The following CEP85 variants were observed in gnomAD, a reference collection of about 807,000 sequenced individuals.
The protein encoded by CEP85 is centrosomal protein of 85 kDa.
Under a neutral mutation model 93.7 loss-of-function variants are expected in CEP85, and 58 were observed. The ratio of observed to expected loss-of-function variants is 0.62; its 90% CI spans 0.50 to 0.77. The LOEUF is 0.77. Among genes scored for constraint, CEP85 ranks in the 30% least tolerant of loss-of-function variants. The pLI is 0.00. For missense variants in CEP85, 868 were observed against 922.0 expected (o/e 0.94, Z 0.76); for synonymous variants, 314 against 338.6 (o/e 0.93, Z 0.80).
chr1:26,270,971 T>G, intron 9 of CEP85, 43 bp from the exon 10 acceptor site: 1 of 1,222,306 alleles, frequency 8.2e-7, no homozygotes, highest in Non-Finnish European at 1.2e-6. Flanking sequence ...CAAAGCCACT[T>G]GTGTCTAACT....
chr1:26,241,491 G>A (rs1019808174), intron 2 of CEP85, among the ~76,000 whole-genome samples: 2 of 151,990 alleles, frequency 1.3e-5, no homozygotes, highest in African/African-American at 4.8e-5. Flanking sequence ...TGATCTGCCC[G>A]CCTGGGCCTC....
At chr1:26,254,871 CTT>C (rs2089671612) in intron 3 of CEP85, 2 of 339,218 alleles carry the variant, frequency 5.9e-6, no homozygotes, top group Non-Finnish European at 1.1e-5. Context: ...TTTTAAAAAA[CTT>C]TTTAAAAGTT....
Position 26,255,192 on chromosome 1 carries a change from G to T in CEP85, c.230G>T (p.Ser77Ile). The stretch of plus-strand genomic sequence containing the variant: ...CCAGATTTTTGCAGCTCAAGTGGCA[G>T]TCCTCCTTTCCAGCCCATCAAAAGC... ...IAEDFCSSSG[S>I]PPFQPIKSHV... Residue 77 changes from serine (S) to isoleucine (I), a missense_variant, in exon 4 of 14, where the codon AGT becomes ATT. Transcript: ENST00000451429. 6.2e-7 allele frequency: 1 copy of T among 1,613,644 alleles called. No individual in the cohort carries two copies. The highest frequency in any genetic ancestry group is 2.2e-5 in the East Asian group (1 of 44,868).
rs67466493 is a variant in CEP85 at position 26,238,202 on chromosome 1, C to CTTTTT, written c.-22-1548_-22-1544dup. Among the ~76,000 whole-genome samples the CTTTTT allele has an allele frequency of 5.4e-4, 48 of 88,300 alleles. 10 individuals are homozygous for CTTTTT. The highest frequency in any genetic ancestry group is 9.5e-4 in the African/African-American group (21 of 22,158). The allele number at this position is 88,300 out of a possible 152,430, so 57.9% of individuals were successfully genotyped here. The stretch of plus-strand genomic sequence containing the variant: ...TATGTTCTGTGAATTGTCCCAAACT[C>CTTTTT]TTTTTTTTTTTTTTTTGAGACGGAG... On this transcript the variant is annotated intron_variant, in intron 1 of 13. Transcript: ENST00000451429.
chr1:26,273,888 G>A (rs1219844083), intron 11 of CEP85, among the ~76,000 whole-genome samples: 3 of 131,616 alleles, frequency 2.3e-5, no homozygotes, highest in Non-Finnish European at 4.9e-5. Flanking sequence ...GCGACAGAGT[G>A]AAACCCCATC....
intron 1 of CEP85, among the ~76,000 whole-genome samples, chr1:26,238,601 G>A (rs942033516): frequency 6.6e-6 from 1 of 152,220 alleles, no homozygotes; most frequent in Non-Finnish European, 1.5e-5. Context: ...GATGTAAATT[G>A]CCAAGTAATA....
rs531089791 is a variant in CEP85, at chr1:26,267,552, G to A, written c.1342-931G>A. On this transcript the variant is annotated intron_variant, in intron 7 of 13. Coordinates refer to ENST00000451429, the MANE Select transcript of CEP85 (RefSeq NM_001319944.2). Reference sequence around the variant, plus strand: ...GCATTCCAGCCTGGGCAACAAGAGCGAAACTGTCTCAAAAAAAGGGGGGTG... The same window carrying A: ...GCATTCCAGCCTGGGCAACAAGAGCAAAACTGTCTCAAAAAAAGGGGGGTG... Among the ~76,000 whole-genome samples, 9 of 152,208 alleles carry A rather than the reference G, an allele frequency of 5.9e-5. No homozygotes were observed. The East Asian group carries it at 7.7e-4, about 13-fold the overall frequency.
intron 7 of CEP85, among the ~76,000 whole-genome samples, chr1:26,265,937 G>T (rs1204554890): frequency 6.6e-6 from 1 of 151,930 alleles, no homozygotes; most frequent in Non-Finnish European, 1.5e-5. Context: ...GCCAGGCTCG[G>T]TGGCTCACGC....
At chr1:26,249,372 G>A (rs1298533604) in intron 3 of CEP85, among the ~76,000 whole-genome samples, 1 of 152,252 alleles carries the variant, frequency 6.6e-6, no homozygotes, top group African/African-American at 2.4e-5. Flanking sequence ...GTGAGCCACT[G>A]CTCCTGGCCT....
At chr1:26,256,685 A>G (rs1272757780) in intron 4 of CEP85, among the ~76,000 whole-genome samples, 1 of 139,102 alleles carries the variant, frequency 7.2e-6, no homozygotes, top group African/African-American at 2.7e-5. Flanking sequence ...TGCAACCTCT[A>G]CCTCCCAAGG....
rs202172491 is a variant in CEP85, at chr1:26,248,171, A to AC, written c.208+3854dup. Among the ~76,000 whole-genome samples the AC allele has an allele frequency of 9.4e-3, 1,425 of 152,316 alleles. 18 individuals carry two copies. The highest frequency in any genetic ancestry group is 0.032 in the African/African-American group (1,322 of 41,562). ...CTGGTTATCAGATTCTGGTCTCCTG[A>AC]CTGTGTAATATTCTATCAATTGTGT... On this transcript the variant is annotated intron_variant, in intron 3 of 13. Transcript: ENST00000451429.
chr1:26,240,199 G>T (rs2089400283), intron 2 of CEP85, among the ~76,000 whole-genome samples: 1 of 152,126 alleles, frequency 6.6e-6, no homozygotes. Context: ...ACAAAAATAG[G>T]AATTCTGCTT....
At chr1:26,254,911 A>AT (rs1010581607) in intron 3 of CEP85, 5 of 436,446 alleles carry the variant, frequency 1.1e-5, no homozygotes, top group East Asian at 3.3e-5. Flanking sequence ...GACTGACAAG[A>AT]TTTTTTTTAT....
intron 2 of CEP85, among the ~76,000 whole-genome samples, chr1:26,240,890 T>A (rs2124558276): frequency 6.6e-6 from 1 of 150,916 alleles, no homozygotes; most frequent in South Asian, 2.1e-4. Context: ...AGAGTGAGAC[T>A]GTGTCTCAAA....
rs115133994 is a variant in CEP85 at position 26,244,269 on chromosome 1, C to T, written c.159C>T (p.Ala53=). The T allele has an allele frequency of 7.4e-6, 12 of 1,613,652 alleles. No homozygotes were observed. The highest frequency in any genetic ancestry group is 6.7e-5 in the African/African-American group (5 of 74,818). ...GCTTCAGCCGCTGTTCAAGTGTAGC[C>T]GACAGTGGGGACACAGCCATTGGTA... is the stretch of plus-strand genomic sequence containing the variant. ...RSRFSRCSSV[A]DSGDTAIGTS... is the part of the protein sequence containing the mutation. Residue 53 remains alanine (A), a synonymous_variant, in exon 3 of 14, where the codon GCC becomes GCT. Coordinates refer to ENST00000451429, the MANE Select transcript of CEP85 (RefSeq NM_001319944.2).
rs372015722 is a variant in CEP85 at position 26,235,867 on chromosome 1, C to T, written c.-23+1557C>T. Among the ~76,000 whole-genome samples, 12 of 152,274 alleles carry T rather than the reference C, an allele frequency of 7.9e-5. No individual in the cohort carries two copies. In the South Asian group the frequency reaches 1.7e-3, roughly 21 times the overall value. The stretch of plus-strand genomic sequence containing the variant: ...GATTACAGGCGTGAGCCACCACGCC[C>T]GGCCACACTTAGATTGTAATTCTTA... On this transcript the variant is annotated intron_variant, in intron 1 of 13. Coordinates refer to ENST00000451429, the MANE Select transcript of CEP85 (RefSeq NM_001319944.2).
chr1:26,235,007 C>T (rs1175103188), intron 1 of CEP85, among the ~76,000 whole-genome samples: 3 of 152,120 alleles, frequency 2.0e-5, no homozygotes, highest in African/African-American at 7.2e-5. Flanking sequence ...AAGAAAAATC[C>T]CCCAAAATGT....
chr1:26,269,430 T>C, intron 8 of CEP85, 30 bp from the exon 9 acceptor site: 1 of 1,608,386 alleles, frequency 6.2e-7, no homozygotes, highest in East Asian at 2.2e-5. Flanking sequence ...CTTGGCTTAT[T>C]TGACCTAAAC....
At chr1:26,251,192 C>T (rs2089607450) in intron 3 of CEP85, among the ~76,000 whole-genome samples, 2 of 150,612 alleles carry the variant, frequency 1.3e-5, no homozygotes, top group Admixed American at 6.6e-5. Flanking sequence ...ATCCGCTTGC[C>T]TCTGCCTCCC....
Sources: allele counts gnomAD v4.1 joint callset (sites outside exome capture counted in the v4.1 genomes callset), GRCh38; gene constraint gnomAD v4.1.1; transcripts MANE v1.5; gene names NCBI Gene and HGNC (gene_info 2026-07-23, HGNC 2026-07-21).